The following CMC1 variants were observed in gnomAD, a reference collection of about 807,000 sequenced individuals.
CMC1 encodes C-X9-C motif containing 1.
Under a neutral mutation model 14.1 loss-of-function variants are expected in CMC1, and 14 were observed. The ratio of observed to expected loss-of-function variants is 0.99; its 90% CI spans 0.66 to 1.55. CMC1 has a LOEUF of 1.55. CMC1 is among the 40% of genes most tolerant of loss of function. The pLI is 0.00. For synonymous variants in CMC1, 50 were observed against 38.4 expected (o/e 1.30, Z -1.12); for missense variants, 127 against 123.8 (o/e 1.03, Z -0.12).
chr3:28,303,349 T>C (rs1702153505), intron 2 of CMC1, among the ~76,000 whole-genome samples: 1 of 152,206 alleles, frequency 6.6e-6, no homozygotes, highest in Non-Finnish European at 1.5e-5. Context: ...TCTTGAATTT[T>C]GGTTTTCCAT....
intron 2 of CMC1, among the ~76,000 whole-genome samples, chr3:28,272,591 A>G (rs6551247): frequency 0.8 from 121,325 of 152,100 alleles, 48,902 homozygotes; most frequent in African/African-American, 0.92. Context: ...TGGTGGATAA[A>G]CGTCTTGATG....
intron 2 of CMC1, among the ~76,000 whole-genome samples, chr3:28,270,143 T>C (rs1182718918): frequency 6.6e-6 from 1 of 152,222 alleles, no homozygotes; most frequent in Non-Finnish European, 1.5e-5. Flanking sequence ...CCACATTTTC[T>C]TTATCTGGTC....
At chr3:28,316,047 G>A (rs947775480) in intron 2 of CMC1, 2 of 209,334 alleles carry the variant, frequency 9.6e-6, no homozygotes, top group African/African-American at 4.6e-5. Flanking sequence ...CATCTCAGAA[G>A]TCCTCTCTCC....
Position 28,296,861 on chromosome 3 carries a change from T to G in CMC1, c.110-19472T>G, listed in dbSNP as rs76601395. On this transcript the variant is annotated intron_variant, in intron 2 of 3. Transcript: ENST00000466830. Reference sequence around the variant, plus strand: ...GGAAAAAAAGTAAGGTTTGTTGTTTTACATTTCTTGGCACTCTTCCATCTA... The same window carrying G: ...GGAAAAAAAGTAAGGTTTGTTGTTTGACATTTCTTGGCACTCTTCCATCTA... Among the ~76,000 whole-genome samples, 1,083 of 152,212 alleles carry G rather than the reference T, an allele frequency of 7.1e-3. 11 individuals are homozygous for G. Among genetic ancestry groups the G allele is most frequent in the African/African-American group, 0.024 (986 of 41,582 alleles).
At chr3:28,313,895 G>A (rs4552313) in intron 2 of CMC1, among the ~76,000 whole-genome samples, 121,086 of 152,214 alleles carry the variant, frequency 0.8, 48,549 homozygotes, top group East Asian at 0.97. Flanking sequence ...TGTGTTTTCC[G>A]GAAAAGGACT....
Position 28,319,841 on chromosome 3 carries a change from A to T in CMC1, c.*212A>T, listed in dbSNP as rs1703130176. ...GATATGGTTTTCCTGGTCATTCTGG[A>T]CCTTTTGAAAGTTTTCCCACAACTA... On this transcript the variant is annotated 3_prime_UTR_variant, in exon 4 of 4. Transcript: ENST00000466830. 1 of 384,302 alleles carries T rather than the reference A, an allele frequency of 2.6e-6. No individual in the cohort carries two copies. Among genetic ancestry groups the T allele is most frequent in the Admixed American group, 4.3e-5 (1 of 23,062 alleles). The allele number at this position is 384,302 out of a possible 1,614,324, so 23.8% of individuals were successfully genotyped here.
At chr3:28,263,435 A>G in intron 2 of CMC1, 55 bp downstream of exon 2, 1 of 1,158,816 alleles carries the variant, frequency 8.6e-7, no homozygotes, top group South Asian at 1.4e-5. Flanking sequence ...ATATGATCTG[A>G]ATTTAATCCT....
chr3:28,312,378 A>G (rs539797631), intron 2 of CMC1, among the ~76,000 whole-genome samples: 1 of 152,290 alleles, frequency 6.6e-6, no homozygotes, highest in East Asian at 1.9e-4. Flanking sequence ...TATTTCTTTT[A>G]ATTTGATGTG....
chr3:28,315,007 ATTTATT>A (rs1426683619), intron 2 of CMC1: 1 of 152,140 alleles, frequency 6.6e-6, no homozygotes, highest in Admixed American at 6.6e-5. Context: ...ACAATACACA[ATTTATT>A]TTTATTTTCA....
intron 1 of CMC1, among the ~76,000 whole-genome samples, chr3:28,257,131 A>G (rs1229162754): frequency 6.6e-6 from 1 of 152,200 alleles, no homozygotes; most frequent in Admixed American, 6.5e-5. Context: ...ATGAGTGCAG[A>G]TTTCTATAAA....
In CMC1 at chr3:28,263,334, A is replaced by G; in HGVS notation, c.63A>G (p.Lys21=). 1 of 1,609,678 alleles carries G rather than the reference A, an allele frequency of 6.2e-7. No homozygotes were observed. The highest frequency in any genetic ancestry group is 8.5e-7 in the Non-Finnish European group (1 of 1,178,178). The change falls in exon 2 of 4, where the codon AAA becomes AAG. Residue 21 remains lysine, a synonymous_variant. Transcript: ENST00000466830. ...TCGAAAAAGATGTTTTGATCCCTAA[A>G]ATAATGAGAGAAAAGGCCAAAGAGA... ...RHVEKDVLIP[K]IMREKAKERC...
At chr3:28,315,057 G>A (rs921538866) in intron 2 of CMC1, 1 of 152,134 alleles carries the variant, frequency 6.6e-6, no homozygotes, top group Non-Finnish European at 1.5e-5. Flanking sequence ...TAAGGACGAT[G>A]TTTAAGATCT....
Position 28,324,373 on chromosome 3 carries a change from G to T in CMC1, c.*4744G>T. ...ATTTGGTAAGAGAGGGGGATGTCTT[G>T]TGTATGTTGCAGTAAAATTCATCAA... is the stretch of plus-strand genomic sequence containing the variant. On this transcript the variant is annotated 3_prime_UTR_variant, in exon 4 of 4. Coordinates refer to ENST00000466830, the MANE Select transcript of CMC1 (RefSeq NM_182523.2). 1 of 1,580,102 alleles carries T rather than the reference G, an allele frequency of 6.3e-7. No individual in the cohort carries two copies. The highest frequency in any genetic ancestry group is 1.2e-5 in the South Asian group (1 of 85,988).
In CMC1 at chr3:28,274,206, G is replaced by GTTTTTTT. The variant is rs1265139321; in HGVS notation, c.109+10831_109+10832insTTTTTTT. On this transcript the variant is annotated intron_variant, in intron 2 of 3. Transcript: ENST00000466830. ...GTGTCATTGGTCTTTGTACTAAAGTGTTTTTGTTTTTTTCTTTTTTTTTTT... is the reference window on the plus strand; with the variant it reads ...GTGTCATTGGTCTTTGTACTAAAGTGTTTTTTTTTTTTGTTTTTTTCTTTTTTTTTTT... Among the ~76,000 whole-genome samples, 143 of 82,996 alleles carry GTTTTTTT rather than the reference G, an allele frequency of 1.7e-3. 7 individuals are homozygous for GTTTTTTT. The highest frequency in any genetic ancestry group is 6.2e-3 in the East Asian group (14 of 2,244). 54.4% of individuals were successfully genotyped at this position (82,996 alleles called of 152,430 possible).
intron 2 of CMC1, among the ~76,000 whole-genome samples, chr3:28,304,740 A>G (rs1294317497): frequency 2.0e-5 from 3 of 152,194 alleles, no homozygotes; most frequent in Non-Finnish European, 4.4e-5. Flanking sequence ...AGAAAGTATA[A>G]TAAGAATTTA....
chr3:28,270,524 T>G (rs1170083476), intron 2 of CMC1, among the ~76,000 whole-genome samples: 1 of 152,198 alleles, frequency 6.6e-6, no homozygotes, highest in Non-Finnish European at 1.5e-5. Context: ...GTTGAGCTTT[T>G]TTTCATGTTT....
At chr3:28,280,395 C>T (rs1355318147) in intron 2 of CMC1, among the ~76,000 whole-genome samples, 2 of 151,986 alleles carry the variant, frequency 1.3e-5, no homozygotes, top group Non-Finnish European at 2.9e-5. Flanking sequence ...CATTTTAGAT[C>T]AGTGTTATCT....
intron 2 of CMC1, among the ~76,000 whole-genome samples, chr3:28,299,955 C>T (rs556421431): frequency 2.6e-4 from 40 of 152,238 alleles, no homozygotes; most frequent in African/African-American, 8.7e-4. Context: ...ATGGGACTTG[C>T]TCTTAAGTAG....
chr3:28,260,979 TTTA>T (rs1699709104), intron 1 of CMC1, among the ~76,000 whole-genome samples: 1 of 152,168 alleles, frequency 6.6e-6, no homozygotes, highest in East Asian at 1.9e-4. Context: ...TTCCTTCAGA[TTTA>T]TTGAGATTTG....
Sources: allele counts gnomAD v4.1 joint callset (sites outside exome capture counted in the v4.1 genomes callset), GRCh38; gene constraint gnomAD v4.1.1; transcripts MANE v1.5; gene names NCBI Gene and HGNC (gene_info 2026-07-23, HGNC 2026-07-21).